Variants in ADARB2 observed in about 807,000 individuals in gnomAD.
ADARB2 encodes inactive double-stranded RNA-specific editase B2.
ADARB2 carries 25 observed loss-of-function variants against 62.2 expected under a neutral mutation model. The observed-to-expected ratio is 0.40, with a 90% CI of 0.29 to 0.56. The LOEUF is 0.56. Among genes scored for constraint, ADARB2 ranks in the 20% least tolerant of loss-of-function variants. ADARB2 has a pLI of 0.43. For missense variants in ADARB2, 1,071 were observed against 1,077.4 expected, an observed-to-expected ratio of 0.99 and a Z score of 0.08; for synonymous variants, 572 against 500.8, an observed-to-expected ratio of 1.14 and a Z score of -1.90.
At chr10:1,603,984 T>G (rs1367434701) in intron 1 of ADARB2, among the ~76,000 whole-genome samples, 1 of 152,062 alleles carries the variant, frequency 6.6e-6, no homozygotes, top group African/African-American at 2.4e-5. Flanking sequence ...TTTGTATTTT[T>G]AGTAAAGATG....
chr10:1,327,593 T>A (rs1437240589), intron 3 of ADARB2, among the ~76,000 whole-genome samples: 8 of 62,492 alleles, frequency 1.3e-4, no homozygotes, highest in African/African-American at 1.4e-4. Flanking sequence ...GCCTCCTCAC[T>A]GCACAGCGCC....
At chr10:1,293,709 T>G (rs925990488) in intron 3 of ADARB2, among the ~76,000 whole-genome samples, 1 of 152,212 alleles carries the variant, frequency 6.6e-6, no homozygotes, top group Non-Finnish European at 1.5e-5. Flanking sequence ...TGTCATCTCT[T>G]TTTGTTTTGT....
intron 1 of ADARB2, among the ~76,000 whole-genome samples, chr10:1,524,593 T>C (rs1271108727): frequency 6.6e-6 from 1 of 152,222 alleles, no homozygotes; most frequent in Admixed American, 6.5e-5. Context: ...CTCCTTTCTA[T>C]TGCCTTTTTG....
chr10:1,481,631 T>G lies in ADARB2; in HGVS notation c.101-102471A>C, dbSNP rs531198444. Among the ~76,000 whole-genome samples, 790 of 21,462 alleles carry G rather than the reference T, an allele frequency of 0.037. 4 individuals carry two copies. The East Asian group carries it at 0.5, about 14-fold the overall frequency. 14.1% of individuals were successfully genotyped at this position (21,462 alleles called of 152,430 possible). A position where few individuals can be genotyped will look rare whatever the true frequency, so the allele number is the denominator to read the frequency against. ...CTCACGCATCATCCCAGCTGAAGTG[T>G]GCGGATCACGAGGTCAGGAGTTCAA... On this transcript the variant is annotated intron_variant, in intron 1 of 9. Transcript: ENST00000381312.
At chr10:1,460,007 TGC>T (rs1491233076) in intron 1 of ADARB2, among the ~76,000 whole-genome samples, 49 of 95,198 alleles carry the variant, frequency 5.1e-4, no homozygotes, top group South Asian at 3.9e-3. Flanking sequence ...TGAGTTTACC[TGC>T]GTAACAAACC....
At chr10:1,240,696 G>C (rs534653624) in intron 5 of ADARB2, among the ~76,000 whole-genome samples, 1 of 152,152 alleles carries the variant, frequency 6.6e-6, no homozygotes, top group Non-Finnish European at 1.5e-5. Flanking sequence ...GGCAGGCGTC[G>C]GGTGCACCTG....
intron 1 of ADARB2, among the ~76,000 whole-genome samples, chr10:1,681,534 T>C (rs1018958753): frequency 6.6e-6 from 1 of 152,038 alleles, no homozygotes; most frequent in East Asian, 1.9e-4. Context: ...ATTCTGGTCC[T>C]GGCTCTGCAA....
chr10:1,412,804 A>G (rs769755265), intron 1 of ADARB2, among the ~76,000 whole-genome samples: 1 of 152,260 alleles, frequency 6.6e-6, no homozygotes, highest in African/African-American at 2.4e-5. Context: ...TCTACGTCTC[A>G]ATTTTCTCCT....
chr10:1,196,071 C>A (rs1273133474), intron 8 of ADARB2, among the ~76,000 whole-genome samples: 4 of 152,254 alleles, frequency 2.6e-5, no homozygotes, highest in African/African-American at 9.6e-5. Context: ...GCCTGTTTCC[C>A]AAAACCCTGT....
chr10:1,603,316 G>T (rs1038728519), intron 1 of ADARB2, among the ~76,000 whole-genome samples: 1 of 152,216 alleles, frequency 6.6e-6, no homozygotes, highest in Non-Finnish European at 1.5e-5. Context: ...TCCTGGTGCC[G>T]CATTGACAAG....
chr10:1,520,582 A>G (rs980278454), intron 1 of ADARB2, among the ~76,000 whole-genome samples: 1 of 152,210 alleles, frequency 6.6e-6, no homozygotes, highest in African/African-American at 2.4e-5. Flanking sequence ...TGTAGGGAAC[A>G]TTTGCTAATC....
At chr10:1,220,881 C>A (rs762180694) in intron 6 of ADARB2, among the ~76,000 whole-genome samples, 2 of 152,196 alleles carry the variant, frequency 1.3e-5, no homozygotes, top group Non-Finnish European at 2.9e-5. Flanking sequence ...TAGGAGTTAA[C>A]CCAAAGCTTT....
intron 3 of ADARB2, among the ~76,000 whole-genome samples, chr10:1,321,358 C>T (rs1831793225): frequency 6.6e-6 from 1 of 152,176 alleles, no homozygotes; most frequent in Admixed American, 6.5e-5. Context: ...CTGCCATCCT[C>T]AGATACAGAA....
chr10:1,592,377 A>C (rs1833270054), intron 1 of ADARB2, among the ~76,000 whole-genome samples: 1 of 96,756 alleles, frequency 1.0e-5, no homozygotes, highest in Non-Finnish European at 2.2e-5. Flanking sequence ...TCTGTCACCC[A>C]GCTCCCTTCG....
At chr10:1,444,119 C>T (rs1335728352) in intron 1 of ADARB2, among the ~76,000 whole-genome samples, 4 of 151,500 alleles carry the variant, frequency 2.6e-5, no homozygotes, top group South Asian at 4.2e-4. Context: ...TCTATTCATC[C>T]ATCTATCCAT....
At chr10:1,510,327 C>T (rs1831920704) in intron 1 of ADARB2, among the ~76,000 whole-genome samples, 1 of 152,084 alleles carries the variant, frequency 6.6e-6, no homozygotes, top group East Asian at 1.9e-4. Context: ...ATGACAGCTG[C>T]GTGCCATGAT....
chr10:1,710,372 C>G (rs1029238265), intron 1 of ADARB2, among the ~76,000 whole-genome samples: 4 of 152,118 alleles, frequency 2.6e-5, no homozygotes, highest in Admixed American at 2.6e-4. Context: ...CATCCTTTCT[C>G]CAAAAAAGTT....
intron 7 of ADARB2, 77 bp downstream of exon 7, chr10:1,216,874 G>A (rs1830629028): frequency 6.5e-7 from 1 of 1,544,544 alleles, no homozygotes; most frequent in South Asian, 1.2e-5. Context: ...CACCAGAAGT[G>A]GGATGCAGGG....
intron 1 of ADARB2, among the ~76,000 whole-genome samples, chr10:1,392,943 A>G (rs1408694195): frequency 6.6e-6 from 1 of 152,086 alleles, no homozygotes; most frequent in East Asian, 1.9e-4. Flanking sequence ...TAAAGAGGTA[A>G]TTGTGTTCAA....
Sources: gnomAD v4.1 joint callset for allele counts (sites outside exome capture counted in the v4.1 genomes callset) on GRCh38, gnomAD v4.1.1 for gene constraint, MANE v1.5 for transcripts, NCBI Gene and HGNC (gene_info 2026-07-23, HGNC 2026-07-21) for gene names.